ZC3H10: variants seen among roughly 807,000 people sequenced by gnomAD.
ZC3H10 encodes zinc finger CCCH-type containing 10.
ZC3H10 carries 12 observed loss-of-function variants against 24.3 expected under a neutral mutation model. The ratio of observed to expected loss-of-function variants is 0.49; its 90% CI spans 0.32 to 0.80. The LOEUF (loss-of-function observed/expected upper bound fraction) is 0.80, where lower values mean the gene tolerates loss of function less well. ZC3H10 is among the 30% of genes least tolerant of loss of function. ZC3H10 has a pLI of 0.04. For synonymous variants in ZC3H10, 226 were observed against 217.0 expected (o/e 1.04, Z -0.36); for missense variants, 360 against 576.3 (o/e 0.62, Z 3.84).
At position 56,123,671 on chromosome 12, in the gene ZC3H10, C is replaced by T. The variant is rs1048743077; in HGVS notation, c.*1804C>T. 4 of 152,118 alleles carry T rather than the reference C, an allele frequency of 2.6e-5. No individual in the cohort carries two copies. Among genetic ancestry groups the T allele is most frequent in the African/African-American group, 9.7e-5 (4 of 41,396 alleles). The allele number at this position is 152,118 out of a possible 1,614,324, so 9.4% of individuals were successfully genotyped here. A position where few individuals can be genotyped will look rare whatever the true frequency, so the allele number is the denominator to read the frequency against. On this transcript the variant is annotated 3_prime_UTR_variant, in exon 3 of 3. Transcript: ENST00000257940. ...TCTCGTGATCCGCCCGCCTCAGCCT[C>T]CCAAAGTGCTGGGATTACAGGCATG...
rs1265740968 is a variant in ZC3H10, at chr12:56,119,143, C to A, written c.-61C>A. On this transcript the variant is annotated 5_prime_UTR_variant, in exon 2 of 3. Transcript: ENST00000257940. ...ACAGGAGCCCCGGACTTCACCTGAGCTACCTCAGGTATCAATTCTGGGAGA... is the reference window on the plus strand; with the variant it reads ...ACAGGAGCCCCGGACTTCACCTGAGATACCTCAGGTATCAATTCTGGGAGA... The A allele has an allele frequency of 2.0e-5, 3 of 152,726 alleles. No homozygotes were observed. Among genetic ancestry groups the A allele is most frequent in the African/African-American group, 7.2e-5 (3 of 41,458 alleles). The allele number at this position is 152,726 out of a possible 1,614,324, so 9.5% of individuals were successfully genotyped here. A position where few individuals can be genotyped will look rare whatever the true frequency, so the allele number is the denominator to read the frequency against.
chr12:56,121,962 G>A lies in ZC3H10; in HGVS notation c.*95G>A. ...TAGCCTTCCCCATCCCTGTCTGAAG[G>A]GCTCCCTTGAGAACTAGGACAAGAG... On this transcript the variant is annotated 3_prime_UTR_variant, in exon 3 of 3. Coordinates refer to ENST00000257940, the MANE Select transcript of ZC3H10 (RefSeq NM_032786.3). This position sits in a 1 kb window ranked among gnomAD's most constrained non-coding sequence, Gnocchi z 6.2. 7.2e-7 allele frequency: 1 copy of A among 1,398,062 alleles called. No homozygotes were observed. The highest frequency in any genetic ancestry group is 1.8e-4 in the Middle Eastern group (1 of 5,418). 86.6% of individuals were successfully genotyped at this position (1,398,062 alleles called of 1,614,324 possible). A position where few individuals can be genotyped will look rare whatever the true frequency, so the allele number is the denominator to read the frequency against.
In ZC3H10 at chr12:56,127,192, G is replaced by A. The variant is rs1000699052; in HGVS notation, c.*5325G>A. 7.9e-5 allele frequency: 12 copies of A among 152,186 alleles called. No homozygotes were observed. Among genetic ancestry groups the A allele is most frequent in the Non-Finnish European group, 1.6e-4 (11 of 68,044 alleles). 9.4% of individuals were successfully genotyped at this position (152,186 alleles called of 1,614,324 possible). ...TAACGCCAGTTAACTAGTAACAATAGTCATCGGTGTACCCTGCACTTTTTC... is the reference window on the plus strand; with the variant it reads ...TAACGCCAGTTAACTAGTAACAATAATCATCGGTGTACCCTGCACTTTTTC... On this transcript the variant is annotated 3_prime_UTR_variant, in exon 3 of 3. Transcript: ENST00000257940.
At position 56,124,250 on chromosome 12, in the gene ZC3H10, G is replaced by T. The variant is rs1049641231; in HGVS notation, c.*2383G>T. ...CCTTGTTTTGTGCTTAAACAAAATT[G>T]TGTAGTGATTTTGTTTTTTGTCTCA... On this transcript the variant is annotated 3_prime_UTR_variant, in exon 3 of 3. Coordinates refer to ENST00000257940, the MANE Select transcript of ZC3H10 (RefSeq NM_032786.3). The T allele has an allele frequency of 6.6e-6, 1 of 152,222 alleles. No individual in the cohort carries two copies. The highest frequency in any genetic ancestry group is 1.5e-5 in the Non-Finnish European group (1 of 68,040). The allele number at this position is 152,222 out of a possible 1,614,324, so 9.4% of individuals were successfully genotyped here. A position where few individuals can be genotyped will look rare whatever the true frequency, so the allele number is the denominator to read the frequency against.
intron 2 of ZC3H10, chr12:56,120,147 T>C (rs1869766160): frequency 1.1e-6 from 1 of 946,248 alleles, no homozygotes; most frequent in Non-Finnish European, 1.3e-6. Context: ...GTAGCCCATC[T>C]TGGGCACTAT....
In ZC3H10 at chr12:56,124,480, G is replaced by A. The variant is rs906606402; in HGVS notation, c.*2613G>A. The A allele has an allele frequency of 7.2e-5, 11 of 152,156 alleles. No individual in the cohort carries two copies. The highest frequency in any genetic ancestry group is 2.2e-4 in the African/African-American group (9 of 41,420). 9.4% of individuals were successfully genotyped at this position (152,156 alleles called of 1,614,324 possible). The stretch of plus-strand genomic sequence containing the variant: ...TCATCACAGATAAGAGGAAAATTAC[G>A]GGTCAGTTAATCGTAGCATTTTTTC... On this transcript the variant is annotated 3_prime_UTR_variant, in exon 3 of 3. Transcript: ENST00000257940.
rs1004129846 is a variant in ZC3H10 at position 56,123,525 on chromosome 12, G to A, written c.*1658G>A. 1.3e-5 allele frequency: 2 copies of A among 151,390 alleles called. No homozygotes were observed. Among genetic ancestry groups the A allele is most frequent in the African/African-American group, 4.9e-5 (2 of 41,104 alleles). The allele number at this position is 151,390 out of a possible 1,614,324, so 9.4% of individuals were successfully genotyped here. ...TAACCTGCGCCTCCTGGGTTCAAGC[G>A]ATTCTCTTGCGTCAGCCTCCCGAGT... On this transcript the variant is annotated 3_prime_UTR_variant, in exon 3 of 3. Transcript: ENST00000257940.
At position 56,126,518 on chromosome 12, in the gene ZC3H10, T is replaced by G. The variant is rs1277509368; in HGVS notation, c.*4651T>G. 2 of 152,142 alleles carry G rather than the reference T, an allele frequency of 1.3e-5. No individual in the cohort carries two copies. 9.4% of individuals were successfully genotyped at this position (152,142 alleles called of 1,614,324 possible). ...ATAATTTCTGATGATCTGGATGAGG[T>G]GAGGAAGGGAGAAGTTTGGAAAAGA... On this transcript the variant is annotated 3_prime_UTR_variant, in exon 3 of 3. Coordinates refer to ENST00000257940, the MANE Select transcript of ZC3H10 (RefSeq NM_032786.3).
chr12:56,121,061 G>A lies in ZC3H10; in HGVS notation c.499G>A (p.Ala167Thr), dbSNP rs769059983. 60 of 1,614,080 alleles carry A rather than the reference G, an allele frequency of 3.7e-5. No homozygotes were observed. The highest frequency in any genetic ancestry group is 5.0e-5 in the Non-Finnish European group (59 of 1,180,050). Residue 167 changes from alanine (A) to threonine (T), a missense_variant, in exon 3 of 3, where the codon GCT (alanine) becomes ACT (threonine). Ala to Thr is a moderately conservative substitution (Grantham distance 58). Coordinates refer to ENST00000257940, the MANE Select transcript of ZC3H10 (RefSeq NM_032786.3). This position sits in a 1 kb window ranked among gnomAD's most constrained non-coding sequence, Gnocchi z 6.2. ...RHLQRDFEFDARGGGGTGGGS... is the reference protein window; with the variant it reads ...RHLQRDFEFDTRGGGGTGGGS... ...CCTGCAACGGGATTTTGAGTTTGATGCTCGGGGTGGAGGAGGCACTGGTGG... is the reference window on the plus strand; with the variant it reads ...CCTGCAACGGGATTTTGAGTTTGATACTCGGGGTGGAGGAGGCACTGGTGG...
At position 56,118,286 on chromosome 12, in the gene ZC3H10, AGGCGGCAGCAGCAACTACGGC is replaced by A. The variant is rs1869696758; in HGVS notation, c.-142_-122del. 6.5e-6 allele frequency: 1 copy of A among 153,334 alleles called. No homozygotes were observed. Among genetic ancestry groups the A allele is most frequent in the African/African-American group, 2.4e-5 (1 of 41,402 alleles). 9.5% of individuals were successfully genotyped at this position (153,334 alleles called of 1,614,324 possible). A position where few individuals can be genotyped will look rare whatever the true frequency, so the allele number is the denominator to read the frequency against. ...TCTTTGTCGAAGCTAGAGGACCGGCAGGCGGCAGCAGCAACTACGGCGGCGGCGGCAGGTGAGGGAGGCGGG... is the reference window on the plus strand; with the variant it reads ...TCTTTGTCGAAGCTAGAGGACCGGCAGGCGGCGGCAGGTGAGGGAGGCGGG... On this transcript the variant is annotated 5_prime_UTR_variant, in exon 1 of 3. Transcript: ENST00000257940.
rs539909027 is a variant in ZC3H10, at chr12:56,125,692, G to A, written c.*3825G>A. ...CCAGGGTTCTGCAAGTAAGGAATGG[G>A]GCCAGGAATCTATTCAGGCAGTCTC... On this transcript the variant is annotated 3_prime_UTR_variant, in exon 3 of 3. Transcript: ENST00000257940. 6.6e-6 allele frequency: 1 copy of A among 152,248 alleles called. No individual in the cohort carries two copies. Among genetic ancestry groups the A allele is most frequent in the African/African-American group, 2.4e-5 (1 of 41,548 alleles). The allele number at this position is 152,248 out of a possible 1,614,324, so 9.4% of individuals were successfully genotyped here.
chr12:56,120,830 C>T lies in ZC3H10; in HGVS notation c.268C>T (p.Pro90Ser), dbSNP rs781228043. 6.2e-7 allele frequency: 1 copy of T among 1,614,138 alleles called. No individual in the cohort carries two copies. Among genetic ancestry groups the T allele is most frequent in the Admixed American group, 1.7e-5 (1 of 60,018 alleles). Reference sequence around the variant, plus strand: ...CTTCCAGAACAAGGAGTGTAGCCGCCCAAATTGCCGTTTCATCCATGGCTC... The same window carrying T: ...CTTCCAGAACAAGGAGTGTAGCCGCTCAAATTGCCGTTTCATCCATGGCTC... ...HDFQNKECSR[P>S]NCRFIHGSKE... Residue 90 changes from proline to serine, a missense_variant, in exon 3 of 3, where the codon CCA (proline) becomes TCA (serine). Pro to Ser is a moderately conservative substitution (Grantham distance 74). This residue lies in a region of ZC3H10 where 126 missense variants were observed against 208.8 expected (regional missense o/e 0.60). Transcript: ENST00000257940.
In ZC3H10 at chr12:56,121,948, A is replaced by G. The variant is rs1363586009; in HGVS notation, c.*81A>G. 4 of 1,442,390 alleles carry G rather than the reference A, an allele frequency of 2.8e-6. No homozygotes were observed. Among genetic ancestry groups the G allele is most frequent in the Non-Finnish European group, 3.7e-6 (4 of 1,077,930 alleles). The allele number at this position is 1,442,390 out of a possible 1,614,324, so 89.3% of individuals were successfully genotyped here. A position where few individuals can be genotyped will look rare whatever the true frequency, so the allele number is the denominator to read the frequency against. On this transcript the variant is annotated 3_prime_UTR_variant, in exon 3 of 3. Coordinates refer to ENST00000257940, the MANE Select transcript of ZC3H10 (RefSeq NM_032786.3). The surrounding 1 kb of genome is among the most constrained non-coding windows in gnomAD (Gnocchi z 6.2). The stretch of plus-strand genomic sequence containing the variant: ...CTTGCCCACTCACCTAGCCTTCCCC[A>G]TCCCTGTCTGAAGGGCTCCCTTGAG...
rs139977183 is a variant in ZC3H10 at position 56,120,856 on chromosome 12, C to A, written c.294C>A (p.Ser98=). ...CAAATTGCCGTTTCATCCATGGCTC[C>A]AAGGAGGATGAGGATGGCTATAAGA... is the stretch of plus-strand genomic sequence containing the variant. ...SRPNCRFIHG[S]KEDEDGYKKT... Residue 98 remains serine (S), a synonymous_variant, in exon 3 of 3, where the codon TCC becomes TCA. Transcript: ENST00000257940. 44 of 1,614,010 alleles carry A rather than the reference C, an allele frequency of 2.7e-5. No homozygotes were observed. Among genetic ancestry groups the A allele is most frequent in the Non-Finnish European group, 3.6e-5 (43 of 1,180,030 alleles).
At position 56,127,217 on chromosome 12, in the gene ZC3H10, C is replaced by G. The variant is rs1030516575; in HGVS notation, c.*5350C>G. On this transcript the variant is annotated 3_prime_UTR_variant, in exon 3 of 3. Coordinates refer to ENST00000257940, the MANE Select transcript of ZC3H10 (RefSeq NM_032786.3). Reference sequence around the variant, plus strand: ...GTCATCGGTGTACCCTGCACTTTTTCCTTCCTAAACCTACACCGTACACTG... The same window carrying G: ...GTCATCGGTGTACCCTGCACTTTTTGCTTCCTAAACCTACACCGTACACTG... 1 of 152,194 alleles carries G rather than the reference C, an allele frequency of 6.6e-6. No homozygotes were observed. The highest frequency in any genetic ancestry group is 1.5e-5 in the Non-Finnish European group (1 of 68,030). The allele number at this position is 152,194 out of a possible 1,614,324, so 9.4% of individuals were successfully genotyped here. A position where few individuals can be genotyped will look rare whatever the true frequency, so the allele number is the denominator to read the frequency against.
rs1204243199 is a variant in ZC3H10 at position 56,124,793 on chromosome 12, T to C, written c.*2926T>C. The C allele has an allele frequency of 6.6e-6, 1 of 152,332 alleles. No individual in the cohort carries two copies. The highest frequency in any genetic ancestry group is 2.4e-5 in the African/African-American group (1 of 41,572). 9.4% of individuals were successfully genotyped at this position (152,332 alleles called of 1,614,324 possible). On this transcript the variant is annotated 3_prime_UTR_variant, in exon 3 of 3. Coordinates refer to ENST00000257940, the MANE Select transcript of ZC3H10 (RefSeq NM_032786.3). ...ACTGGAGCACTCTCACACTAAAAAA[T>C]TGCTTAGATCTTGAACTAGTTTGAG...
intron 2 of ZC3H10, chr12:56,120,067 T>G: frequency 3.5e-6 from 1 of 283,870 alleles, no homozygotes; most frequent in Non-Finnish European, 5.3e-6. Context: ...AGCCCTTACC[T>G]GAGGAAAAGG....
Position 56,122,039 on chromosome 12 carries a change from C to A in ZC3H10, c.*172C>A. On this transcript the variant is annotated 3_prime_UTR_variant, in exon 3 of 3. Coordinates refer to ENST00000257940, the MANE Select transcript of ZC3H10 (RefSeq NM_032786.3). ...GGTTGGGATGGTGTGTTTTCTCTCACCTCCCTTTTATGAGGGTCCTCTTGT... is the reference window on the plus strand; with the variant it reads ...GGTTGGGATGGTGTGTTTTCTCTCAACTCCCTTTTATGAGGGTCCTCTTGT... The A allele has an allele frequency of 1.3e-6, 1 of 791,876 alleles. No homozygotes were observed. The highest frequency in any genetic ancestry group is 2.0e-6 in the Non-Finnish European group (1 of 510,812). 49.1% of individuals were successfully genotyped at this position (791,876 alleles called of 1,614,324 possible).
In ZC3H10 at chr12:56,121,473, C is replaced by G; in HGVS notation, c.911C>G (p.Thr304Ser). 6.2e-7 allele frequency: 1 copy of G among 1,611,554 alleles called. No individual in the cohort carries two copies. Among genetic ancestry groups the G allele is most frequent in the Non-Finnish European group, 8.5e-7 (1 of 1,177,848 alleles). Residue 304 changes from threonine (T) to serine (S), a missense_variant, in exon 3 of 3, where the codon ACT (threonine) becomes AGT (serine). Transcript: ENST00000257940. This position sits in a 1 kb window ranked among gnomAD's most constrained non-coding sequence, Gnocchi z 6.2. The part of the protein sequence containing the change: ...TLAPTVGTVA[T>S]FNHGIAQTHT... ...GCCCCCACTGTGGGCACTGTTGCCACTTTTAACCATGGCATTGCCCAGACT... is the reference window on the plus strand; with the variant it reads ...GCCCCCACTGTGGGCACTGTTGCCAGTTTTAACCATGGCATTGCCCAGACT...
Sources: gnomAD v4.1 joint callset for allele counts on GRCh38, gnomAD v4.1.1 for gene constraint, gnomAD v4.1.1 regional missense constraint, Gnocchi (gnomAD v3.1) non-coding constraint, MANE v1.5 for transcripts, NCBI Gene and HGNC (gene_info 2026-07-23, HGNC 2026-07-21) for gene names.